MCMBP: variants seen among roughly 807,000 people sequenced by gnomAD.
MCMBP encodes the protein mini-chromosome maintenance complex-binding protein.
MCMBP carries 31 observed loss-of-function variants against 81.3 expected under a neutral mutation model. The ratio of observed to expected loss-of-function variants is 0.38; its 90% CI spans 0.29 to 0.51. The LOEUF (loss-of-function observed/expected upper bound fraction) is 0.51. Ranked by LOEUF, MCMBP falls within the 20% of genes least tolerant of loss-of-function variation. MCMBP has a pLI of 0.87. For missense variants in MCMBP, 645 were observed against 772.1 expected (o/e 0.84, Z 1.95); for synonymous variants, 267 against 275.9 (o/e 0.97, Z 0.32).
intron 1 of MCMBP, among the ~76,000 whole-genome samples, chr10:119,861,151 C>A (rs1018693683): frequency 2.0e-5 from 3 of 152,198 alleles, no homozygotes; most frequent in Non-Finnish European, 4.4e-5. Context: ...AAAGTCTACA[C>A]TTGTTATGGA....
Position 119,836,757 on chromosome 10 carries a change from GTTTTTTTTTTTTTTTTTTTTT to G in MCMBP, c.1542+118_1542+138del, listed in dbSNP as rs199759464. The G allele has an allele frequency of 1.3e-3, 399 of 296,778 alleles. 6 individuals are homozygous for G. Among genetic ancestry groups the G allele is most frequent in the South Asian group, 2.7e-3 (79 of 29,286 alleles). The allele number at this position is 296,778 out of a possible 1,614,324, so 18.4% of individuals were successfully genotyped here. A position where few individuals can be genotyped will look rare whatever the true frequency, so the allele number is the denominator to read the frequency against. On this transcript the variant is annotated intron_variant, in intron 13 of 15. Coordinates refer to ENST00000369077, the MANE Select transcript of MCMBP (RefSeq NM_001256378.2). ...ATTCCCTTAATGATCAGCAGTCACA[GTTTTTTTTTTTTTTTTTTTTT>G]TTTTTTTTTTTTTTTTACAACAAAT...
chr10:119,852,315 G>C (rs549842577), intron 6 of MCMBP, among the ~76,000 whole-genome samples: 1 of 152,052 alleles, frequency 6.6e-6, no homozygotes, highest in South Asian at 2.1e-4. Flanking sequence ...TTACAAACTC[G>C]AATATATTAC....
At chr10:119,841,621 A>T (rs1042197077) in intron 10 of MCMBP, among the ~76,000 whole-genome samples, 1 of 152,260 alleles carries the variant, frequency 6.6e-6, no homozygotes, top group African/African-American at 2.4e-5. Flanking sequence ...AAGGATGTAT[A>T]CATATGTAAA....
Position 119,831,346 on chromosome 10 carries a change from T to C in MCMBP, c.*128A>G. 2 of 1,155,076 alleles carry C rather than the reference T, an allele frequency of 1.7e-6. No individual in the cohort carries two copies. The highest frequency in any genetic ancestry group is 2.5e-6 in the Non-Finnish European group (2 of 813,160). The allele number at this position is 1,155,076 out of a possible 1,614,324, so 71.6% of individuals were successfully genotyped here. ...ATATAAACATCAGGTGTTACCAGGCTTGATTTCAGGAAATGTCACTGGTTT... is the reference window on the plus strand; with the variant it reads ...ATATAAACATCAGGTGTTACCAGGCCTGATTTCAGGAAATGTCACTGGTTT... On this transcript the variant is annotated 3_prime_UTR_variant, in exon 16 of 16. Transcript: ENST00000369077.
At chr10:119,837,166 C>A in intron 12 of MCMBP, 137 bp from the exon 13 acceptor site, 1 of 808,684 alleles carries the variant, frequency 1.2e-6, no homozygotes, top group Non-Finnish European at 1.9e-6. Flanking sequence ...GTTTACTAAG[C>A]TAAACGTCAC....
chr10:119,834,029 TTAGTC>T (rs1852148363), intron 14 of MCMBP, among the ~76,000 whole-genome samples: 1 of 151,966 alleles, frequency 6.6e-6, no homozygotes. Flanking sequence ...TTCACTGAGA[TTAGTC>T]TAAGAAACAG....
intron 8 of MCMBP, among the ~76,000 whole-genome samples, chr10:119,844,412 C>T (rs1806099156): frequency 6.6e-6 from 1 of 152,064 alleles, no homozygotes; most frequent in South Asian, 2.1e-4. Context: ...TAGTACGTAC[C>T]ATGTGACAGA....
intron 3 of MCMBP, 36 bp downstream of exon 3, chr10:119,859,005 T>A: frequency 6.2e-7 from 1 of 1,611,692 alleles, no homozygotes; most frequent in Non-Finnish European, 8.5e-7. Flanking sequence ...AAGGACAAAA[T>A]TAATACCACA....
intron 14 of MCMBP, among the ~76,000 whole-genome samples, chr10:119,833,505 A>G (rs1184074345): frequency 1.3e-5 from 2 of 152,002 alleles, no homozygotes; most frequent in Non-Finnish European, 1.5e-5. Context: ...AAAAAAAGAA[A>G]AGAAAAAACA....
chr10:119,836,794 T>TTA, intron 13 of MCMBP, 102 bp downstream of exon 13: 1 of 347,134 alleles, frequency 2.9e-6, no homozygotes, highest in Non-Finnish European at 4.9e-6. Flanking sequence ...TTTTTTTTTT[T>TTA]ACAACAAATG....
At chr10:119,862,345 A>T (rs1457708674) in intron 1 of MCMBP, among the ~76,000 whole-genome samples, 1 of 152,010 alleles carries the variant, frequency 6.6e-6, no homozygotes, top group African/African-American at 2.4e-5. Context: ...AAAAGAAAAA[A>T]TTATCAAGAC....
At position 119,842,519 on chromosome 10, in the gene MCMBP, C is replaced by T; in HGVS notation, c.1077G>A (p.Gly359=). The T allele has an allele frequency of 6.2e-7, 1 of 1,613,808 alleles. No homozygotes were observed. The highest frequency in any genetic ancestry group is 8.5e-7 in the Non-Finnish European group (1 of 1,179,836). The change falls in exon 10 of 16, where the codon GGG becomes GGA. Residue 359 remains glycine, a synonymous_variant. Transcript: ENST00000369077. ...TAAGGTATTCAGCAGCCAAACTATC[C>T]CCCAGAAGGGCATGAGTAAGGAACC... ...LLGFLTHALL[G]DSLAAEYLIL...
intron 1 of MCMBP, among the ~76,000 whole-genome samples, chr10:119,868,351 A>T (rs1015488351): frequency 1.3e-5 from 2 of 152,202 alleles, no homozygotes; most frequent in African/African-American, 2.4e-5. Context: ...GCTTGAACCC[A>T]GAAGGCGGAG....
intron 1 of MCMBP, among the ~76,000 whole-genome samples, chr10:119,871,074 T>A (rs554481209): frequency 6.6e-6 from 1 of 152,336 alleles, no homozygotes; most frequent in African/African-American, 2.4e-5. Context: ...ATGGGGTATT[T>A]CTAATAAATA....
intron 1 of MCMBP, among the ~76,000 whole-genome samples, chr10:119,870,398 G>C (rs1431029927): frequency 2.0e-5 from 3 of 151,790 alleles, no homozygotes; most frequent in Non-Finnish European, 4.4e-5. Flanking sequence ...AGTGAGCCGA[G>C]ATTGCGCTAC....
chr10:119,857,538 C>T, intron 4 of MCMBP, 99 bp from the exon 5 acceptor site: 1 of 613,094 alleles, frequency 1.6e-6, no homozygotes, highest in Non-Finnish European at 2.8e-6. Context: ...AACACCACAG[C>T]AAATATTTTA....
At chr10:119,856,189 T>C (rs765360105) in intron 5 of MCMBP, among the ~76,000 whole-genome samples, 17 of 152,144 alleles carry the variant, frequency 1.1e-4, no homozygotes, top group Non-Finnish European at 1.9e-4. Flanking sequence ...GCTACTGCAC[T>C]TCAGACTAGC....
chr10:119,833,654 C>T (rs1229806133), intron 14 of MCMBP, among the ~76,000 whole-genome samples: 1 of 152,024 alleles, frequency 6.6e-6, no homozygotes, highest in Admixed American at 6.6e-5. Flanking sequence ...CTGGGTGATA[C>T]AGTGAGACCC....
chr10:119,832,166 C>A, intron 14 of MCMBP, 66 bp from the exon 15 acceptor site: 1 of 1,436,412 alleles, frequency 7.0e-7, no homozygotes, highest in East Asian at 2.3e-5. Flanking sequence ...AACATGGTTC[C>A]TTGACTGATG....
Sources: allele counts gnomAD v4.1 joint callset (sites outside exome capture counted in the v4.1 genomes callset), GRCh38; gene constraint gnomAD v4.1.1; transcripts MANE v1.5; gene names NCBI Gene and HGNC (gene_info 2026-07-23, HGNC 2026-07-21).